The following PRKG1 variants were observed in gnomAD, a reference collection of about 807,000 sequenced individuals.
The protein encoded by PRKG1 is protein kinase cGMP-dependent 1.
Under a neutral mutation model 88.1 loss-of-function variants are expected in PRKG1, and 35 were observed. The ratio of observed to expected loss-of-function variants is 0.40; its 90% CI spans 0.30 to 0.53. The LOEUF is 0.53. Ranked by LOEUF, PRKG1 falls within the 20% of genes least tolerant of loss-of-function variation. The pLI, the probability that PRKG1 is intolerant of heterozygous loss-of-function variation, is 0.59. For missense variants in PRKG1, 540 were observed against 839.8 expected (o/e 0.64, Z 4.41); for synonymous variants, 303 against 292.5 (o/e 1.04, Z -0.37).
rs547059813 is a variant in PRKG1, at chr10:52,106,195, TGAAG to T, written c.936-27643_936-27640del. Among the ~76,000 whole-genome samples, 174 of 152,324 alleles carry T rather than the reference TGAAG, an allele frequency of 1.1e-3. 1 individual carries two copies. The highest frequency in any genetic ancestry group is 3.9e-3 in the African/African-American group (163 of 41,574). The stretch of plus-strand genomic sequence containing the variant: ...AAACTGTCAATTCACAAGTACTTAA[TGAAG>T]GCCTTCCAGGTGTCCAGCACTGAAT... On this transcript the variant is annotated intron_variant, in intron 7 of 17. Coordinates refer to ENST00000373980, the MANE Select transcript of PRKG1 (RefSeq NM_006258.4).
chr10:50,993,948 A>G (rs1842807771), intron 1 of PRKG1, among the ~76,000 whole-genome samples: 1 of 152,234 alleles, frequency 6.6e-6, no homozygotes, highest in Non-Finnish European at 1.5e-5. Context: ...TAGGGGTAGG[A>G]ACATTCATCA....
chr10:51,552,366 T>C (rs1233388102), intron 3 of PRKG1, among the ~76,000 whole-genome samples: 1 of 151,654 alleles, frequency 6.6e-6, no homozygotes, highest in Non-Finnish European at 1.5e-5. Flanking sequence ...TAATGGGAGA[T>C]ATACCTTGGA....
intron 3 of PRKG1, among the ~76,000 whole-genome samples, chr10:51,612,507 A>G (rs543425292): frequency 1.3e-5 from 2 of 151,908 alleles, no homozygotes; most frequent in African/African-American, 4.8e-5. Flanking sequence ...TGAATTTATG[A>G]CTTCTAAAAA....
intron 3 of PRKG1, among the ~76,000 whole-genome samples, chr10:51,553,585 A>G (rs1052158352): frequency 2.0e-5 from 3 of 151,568 alleles, no homozygotes; most frequent in African/African-American, 7.2e-5. Context: ...AAAGGCAGCC[A>G]AAGTGATCTT....
Position 51,172,763 on chromosome 10 carries a change from G to C in PRKG1, c.478+19433G>C, listed in dbSNP as rs556313654. Among the ~76,000 whole-genome samples, 10 of 151,962 alleles carry C rather than the reference G, an allele frequency of 6.6e-5. No homozygotes were observed. The South Asian group carries it at 2.1e-3, about 32-fold the overall frequency. The stretch of plus-strand genomic sequence containing the variant: ...ACACTATTTTCCAAATACCTTCAAT[G>C]GGAATGCTTGAACTTCTGTGCACAT... On this transcript the variant is annotated intron_variant, in intron 2 of 17. Coordinates refer to ENST00000373980, the MANE Select transcript of PRKG1 (RefSeq NM_006258.4).
intron 2 of PRKG1, among the ~76,000 whole-genome samples, chr10:51,243,867 T>A (rs1473794585): frequency 1.3e-5 from 2 of 152,206 alleles, no homozygotes; most frequent in African/African-American, 4.8e-5. Context: ...CTTCTTATAT[T>A]GCCTTCTGCC....
At chr10:51,972,948 C>G (rs1210368542) in intron 5 of PRKG1, among the ~76,000 whole-genome samples, 1 of 152,060 alleles carries the variant, frequency 6.6e-6, no homozygotes, top group Non-Finnish European at 1.5e-5. Context: ...CCCAGGAGCA[C>G]AGACTGAAAG....
chr10:51,341,553 A>G (rs1842004381), intron 2 of PRKG1, among the ~76,000 whole-genome samples: 1 of 152,162 alleles, frequency 6.6e-6, no homozygotes, highest in African/African-American at 2.4e-5. Flanking sequence ...GGCTATTCTT[A>G]AACCTCACAG....
chr10:51,423,072 C>G (rs1297291475), intron 2 of PRKG1, among the ~76,000 whole-genome samples: 3 of 151,674 alleles, frequency 2.0e-5, no homozygotes, highest in Non-Finnish European at 4.4e-5. Flanking sequence ...GTGAATAACC[C>G]AAGGATCTGA....
intron 2 of PRKG1, among the ~76,000 whole-genome samples, chr10:51,279,738 C>T (rs760229406): frequency 6.6e-6 from 1 of 152,114 alleles, no homozygotes; most frequent in Non-Finnish European, 1.5e-5. Context: ...AGATCTTCCT[C>T]CATCCCTTTA....
At chr10:51,104,583 G>T (rs1426460407) in intron 1 of PRKG1, among the ~76,000 whole-genome samples, 1 of 151,532 alleles carries the variant, frequency 6.6e-6, no homozygotes, top group East Asian at 1.9e-4. Flanking sequence ...GCAGTGGTGC[G>T]ATCTCTGCTC....
intron 3 of PRKG1, among the ~76,000 whole-genome samples, chr10:51,540,693 T>A (rs958163144): frequency 6.6e-6 from 1 of 152,008 alleles, no homozygotes; most frequent in Non-Finnish European, 1.5e-5. Context: ...TTCCTTTTCA[T>A]CTTTCCAGTA....
chr10:52,026,137 G>GT (rs1305404513), intron 5 of PRKG1, among the ~76,000 whole-genome samples: 1 of 151,800 alleles, frequency 6.6e-6, no homozygotes, highest in Admixed American at 6.6e-5. Context: ...AAAAGAGGGT[G>GT]TTTTTTATTA....
intron 3 of PRKG1, among the ~76,000 whole-genome samples, chr10:51,493,050 T>C (rs1840748924): frequency 6.6e-6 from 1 of 152,132 alleles, no homozygotes; most frequent in Non-Finnish European, 1.5e-5. Flanking sequence ...CATTTCCATT[T>C]ACCTAGTAGT....
chr10:51,120,453 T>G (rs192788702), intron 1 of PRKG1, among the ~76,000 whole-genome samples: 76 of 152,200 alleles, frequency 5.0e-4, no homozygotes, highest in African/African-American at 1.8e-3. Flanking sequence ...GTATACAATT[T>G]TCTCTCTCTG....
At chr10:51,060,974 C>A (rs1022711546) in intron 1 of PRKG1, among the ~76,000 whole-genome samples, 1 of 151,380 alleles carries the variant, frequency 6.6e-6, no homozygotes, top group African/African-American at 2.4e-5. Flanking sequence ...CTTATTGTTC[C>A]TTTGAAGGTT....
intron 3 of PRKG1, among the ~76,000 whole-genome samples, chr10:51,599,361 A>G (rs1838539196): frequency 6.6e-6 from 1 of 152,220 alleles, no homozygotes; most frequent in African/African-American, 2.4e-5. Flanking sequence ...CAAAATGGCA[A>G]TACTATAGTG....
intron 2 of PRKG1, among the ~76,000 whole-genome samples, chr10:51,295,896 T>A (rs573354737): frequency 6.6e-6 from 1 of 152,320 alleles, no homozygotes; most frequent in East Asian, 1.9e-4. Flanking sequence ...AATGATGAAC[T>A]TTGTCAAATG....
At chr10:51,938,327 T>C (rs1842837498) in intron 5 of PRKG1, among the ~76,000 whole-genome samples, 1 of 152,180 alleles carries the variant, frequency 6.6e-6, no homozygotes, top group East Asian at 1.9e-4. Flanking sequence ...GGTAGGTTTG[T>C]ATAGGAGAAA....
Sources: gnomAD v4.1 joint callset for allele counts (sites outside exome capture counted in the v4.1 genomes callset) on GRCh38, gnomAD v4.1.1 for gene constraint, MANE v1.5 for transcripts, NCBI Gene and HGNC (gene_info 2026-07-23, HGNC 2026-07-21) for gene names.